Variants in DOCK2 observed in about 807,000 individuals in gnomAD.
The protein encoded by DOCK2 is dedicator of cytokinesis 2.
DOCK2 carries 87 observed loss-of-function variants against 248.9 expected under a neutral mutation model. The ratio of observed to expected loss-of-function variants is 0.35; its 90% CI spans 0.29 to 0.42. The LOEUF is 0.42. Ranked by LOEUF, DOCK2 falls within the 10% of genes least tolerant of loss-of-function variation. DOCK2 has a pLI of 1.00. For missense variants in DOCK2, 1,747 were observed against 2,300.2 expected (o/e 0.76, Z 4.92); for synonymous variants, 805 against 821.6 (o/e 0.98, Z 0.35).
intron 37 of DOCK2, among the ~76,000 whole-genome samples, chr5:170,041,576 G>A (rs1211125939): frequency 6.6e-6 from 1 of 152,182 alleles, no homozygotes; most frequent in African/African-American, 2.4e-5. Flanking sequence ...CCAATAAAGA[G>A]TAAGATAAGT....
intron 27 of DOCK2, among the ~76,000 whole-genome samples, chr5:169,944,936 C>T (rs1297546446): frequency 1.3e-5 from 2 of 152,208 alleles, no homozygotes; most frequent in African/African-American, 4.8e-5. Flanking sequence ...GTTCTAACTT[C>T]TTTCTCCCTT....
intron 27 of DOCK2, among the ~76,000 whole-genome samples, chr5:169,980,111 A>G (rs1350251599): frequency 2.6e-5 from 4 of 152,258 alleles, no homozygotes; most frequent in Non-Finnish European, 4.4e-5. Flanking sequence ...AGTTCTGACA[A>G]TGGTGGATTT....
chr5:169,845,931 G>T (rs1350015150), intron 27 of DOCK2, among the ~76,000 whole-genome samples: 3 of 152,168 alleles, frequency 2.0e-5, no homozygotes, highest in Non-Finnish European at 4.4e-5. Context: ...TCCTAGAATA[G>T]AAATATCTCC....
chr5:170,038,246 C>T (rs1756387739), intron 36 of DOCK2, among the ~76,000 whole-genome samples: 1 of 152,168 alleles, frequency 6.6e-6, no homozygotes, highest in South Asian at 2.1e-4. Context: ...AATATGGCTG[C>T]CACATGGTTT....
chr5:170,082,129 C>T (rs1055474306), intron 51 of DOCK2, 145 bp downstream of exon 51: 8 of 1,169,806 alleles, frequency 6.8e-6, no homozygotes, highest in Non-Finnish European at 9.5e-6. Flanking sequence ...AGTTCTGGGA[C>T]ACTGTGCAGC....
intron 26 of DOCK2, among the ~76,000 whole-genome samples, chr5:169,838,200 A>AC (rs1769710363): frequency 1.3e-5 from 2 of 151,800 alleles, no homozygotes; most frequent in African/African-American, 2.4e-5. Flanking sequence ...GGATGATGAA[A>AC]CCCCCCAAGC....
intron 30 of DOCK2, among the ~76,000 whole-genome samples, chr5:169,998,253 G>C (rs1353932666): frequency 6.6e-6 from 1 of 152,174 alleles, no homozygotes; most frequent in Admixed American, 6.5e-5. Flanking sequence ...TAAAGACCTT[G>C]AACACACAAC....
chr5:169,772,115 G>T (rs1229318179), intron 25 of DOCK2, among the ~76,000 whole-genome samples: 2 of 152,180 alleles, frequency 1.3e-5, no homozygotes, highest in African/African-American at 4.8e-5. Flanking sequence ...TGAGGACAGG[G>T]TTGCTGTAGA....
intron 1 of DOCK2, among the ~76,000 whole-genome samples, chr5:169,644,473 G>T (rs1021604197): frequency 7.2e-5 from 11 of 152,034 alleles, no homozygotes; most frequent in Admixed American, 7.2e-4. Flanking sequence ...AAGGAGAGAG[G>T]AGCCAGTGGT....
intron 40 of DOCK2, among the ~76,000 whole-genome samples, chr5:170,048,545 A>G (rs1041034535): frequency 6.6e-6 from 1 of 152,246 alleles, no homozygotes; most frequent in African/African-American, 2.4e-5. Flanking sequence ...AAATCTCTTT[A>G]ATGTCTGACT....
intron 41 of DOCK2, among the ~76,000 whole-genome samples, chr5:170,051,006 T>C (rs900328879): frequency 1.3e-5 from 2 of 152,220 alleles, no homozygotes; most frequent in African/African-American, 4.8e-5. Context: ...CTATTCCATA[T>C]TTATTTACAA....
intron 9 of DOCK2, 102 bp from the exon 10 acceptor site, chr5:169,695,701 A>G: frequency 6.6e-7 from 1 of 1,508,526 alleles, no homozygotes; most frequent in Non-Finnish European, 9.0e-7. Context: ...TATAGCAAGT[A>G]TTATATACAT....
At chr5:170,003,581 A>C (rs917556645) in intron 30 of DOCK2, among the ~76,000 whole-genome samples, 7 of 152,216 alleles carry the variant, frequency 4.6e-5, no homozygotes, top group African/African-American at 7.2e-5. Flanking sequence ...AATAGGACAC[A>C]ATCCCTGCAG....
At chr5:170,019,246 G>C in intron 33 of DOCK2, 138 bp downstream of exon 33, 1 of 1,323,390 alleles carries the variant, frequency 7.6e-7, no homozygotes, top group Non-Finnish European at 1.0e-6. Flanking sequence ...CATGGGTCCG[G>C]AATGAGCTGG....
chr5:169,845,868 A>G (rs1003132552), intron 27 of DOCK2, among the ~76,000 whole-genome samples: 5 of 152,240 alleles, frequency 3.3e-5, no homozygotes, highest in African/African-American at 7.2e-5. Context: ...AGCAACAAAC[A>G]GGGTTTTCTT....
intron 27 of DOCK2, among the ~76,000 whole-genome samples, chr5:169,973,042 T>C (rs1777581012): frequency 1.3e-5 from 2 of 152,166 alleles, no homozygotes; most frequent in Non-Finnish European, 2.9e-5. Flanking sequence ...TGAAGTTTAA[T>C]ACATGATGTG....
At chr5:169,967,046 C>T (rs930025710) in intron 27 of DOCK2, among the ~76,000 whole-genome samples, 1 of 152,148 alleles carries the variant, frequency 6.6e-6, no homozygotes, top group Non-Finnish European at 1.5e-5. Flanking sequence ...GAAGTACCTC[C>T]TATGTGCCAG....
At chr5:170,079,654 G>A (rs1757957129) in intron 49 of DOCK2, 1 of 163,154 alleles carries the variant, frequency 6.1e-6, no homozygotes, top group Non-Finnish European at 1.4e-5. Context: ...ATTTAAAAAT[G>A]AGACTTGGTT....
intron 32 of DOCK2, among the ~76,000 whole-genome samples, chr5:170,016,849 T>A (rs1755555551): frequency 6.6e-6 from 1 of 152,246 alleles, no homozygotes; most frequent in South Asian, 2.1e-4. Context: ...TCTTGAAGGA[T>A]GAAATCAGAA....
Sources: gnomAD v4.1 joint callset for allele counts (sites outside exome capture counted in the v4.1 genomes callset) on GRCh38, gnomAD v4.1.1 for gene constraint, MANE v1.5 for transcripts, NCBI Gene and HGNC (gene_info 2026-07-23, HGNC 2026-07-21) for gene names.